Variants in GPM6A observed in about 807,000 individuals in gnomAD.
GPM6A encodes the protein glycoprotein M6A.
In GPM6A, 7 loss-of-function variants were observed where a neutral mutation model predicts 32.1. The observed-to-expected ratio is 0.22, with a 90% CI of 0.12 to 0.41. The LOEUF (loss-of-function observed/expected upper bound fraction) is 0.41. Among genes scored for constraint, GPM6A ranks in the 10% least tolerant of loss-of-function variants. The pLI, the probability that GPM6A is intolerant of heterozygous loss-of-function variation, is 1.00. For missense variants in GPM6A, 235 were observed against 347.2 expected (o/e 0.68, Z 2.57); for synonymous variants, 130 against 123.4 (o/e 1.05, Z -0.35).
intron 1 of GPM6A, among the ~76,000 whole-genome samples, chr4:175,705,549 A>G (rs1343754385): frequency 6.6e-6 from 1 of 152,180 alleles, no homozygotes; most frequent in Non-Finnish European, 1.5e-5. Flanking sequence ...TTATTTCAGT[A>G]TTCTCTCCAG....
chr4:175,998,403 C>T (rs1479572139), intron 1 of GPM6A, among the ~76,000 whole-genome samples: 2 of 152,110 alleles, frequency 1.3e-5, no homozygotes, highest in South Asian at 2.1e-4. Context: ...CCACCCAGCT[C>T]GTCCTGCCTC....
intron 1 of GPM6A, among the ~76,000 whole-genome samples, chr4:175,923,363 C>T (rs910703797): frequency 6.8e-6 from 1 of 147,088 alleles, no homozygotes; most frequent in African/African-American, 2.5e-5. Context: ...ATTTAGAGTT[C>T]AAGTTCTGGC....
chr4:175,732,847 G>A (rs1731492128), intron 1 of GPM6A, among the ~76,000 whole-genome samples: 1 of 152,052 alleles, frequency 6.6e-6, no homozygotes, highest in Admixed American at 6.6e-5. Flanking sequence ...AAATTTTGAG[G>A]AGATTTAACA....
At chr4:175,662,527 G>A (rs1220171776) in intron 3 of GPM6A, among the ~76,000 whole-genome samples, 1 of 152,020 alleles carries the variant, frequency 6.6e-6, no homozygotes, top group African/African-American at 2.4e-5. Flanking sequence ...TTGAACCTGG[G>A]AGGCGGAGAT....
At chr4:175,783,653 C>T (rs572543705) in intron 1 of GPM6A, among the ~76,000 whole-genome samples, 2 of 151,836 alleles carry the variant, frequency 1.3e-5, no homozygotes, top group South Asian at 2.1e-4. Context: ...ATGTTTTATA[C>T]TTTAATTGGG....
At chr4:175,966,279 G>C (rs1411450805) in intron 1 of GPM6A, among the ~76,000 whole-genome samples, 1 of 151,982 alleles carries the variant, frequency 6.6e-6, no homozygotes, top group African/African-American at 2.4e-5. Flanking sequence ...GCATGTGCCT[G>C]TAGTCAGAGC....
intron 1 of GPM6A, among the ~76,000 whole-genome samples, chr4:175,932,517 G>A (rs538102608): frequency 2.0e-5 from 3 of 152,222 alleles, no homozygotes; most frequent in Middle Eastern, 3.4e-3. Context: ...TGCCCAGTTC[G>A]AAATATTCTT....
intron 1 of GPM6A, among the ~76,000 whole-genome samples, chr4:175,745,608 T>C (rs1165870899): frequency 6.6e-6 from 1 of 152,158 alleles, no homozygotes; most frequent in Non-Finnish European, 1.5e-5. Flanking sequence ...CACAAATGTG[T>C]GGTTCACAGA....
chr4:175,711,455 T>TAC (rs1322320563), intron 1 of GPM6A, among the ~76,000 whole-genome samples: 110 of 30,680 alleles, frequency 3.6e-3, no homozygotes, highest in South Asian at 7.3e-3. Flanking sequence ...TATATATATA[T>TAC]ATACACACAC....
At chr4:175,653,953 T>G (rs998566860) in intron 3 of GPM6A, among the ~76,000 whole-genome samples, 1 of 152,082 alleles carries the variant, frequency 6.6e-6, no homozygotes, top group Non-Finnish European at 1.5e-5. Context: ...CACAGAACAG[T>G]GGAGGGGTCA....
At chr4:175,780,204 C>A (rs140466625) in intron 1 of GPM6A, among the ~76,000 whole-genome samples, 2 of 152,012 alleles carry the variant, frequency 1.3e-5, no homozygotes, top group East Asian at 1.9e-4. Flanking sequence ...CCTGCCCCCA[C>A]GCCCAGCTGA....
intron 1 of GPM6A, among the ~76,000 whole-genome samples, chr4:175,890,907 A>G (rs1025091309): frequency 2.0e-5 from 3 of 152,266 alleles, no homozygotes; most frequent in Non-Finnish European, 2.9e-5. Context: ...ATGCAGTATG[A>G]TAACATTTAT....
intron 2 of GPM6A, among the ~76,000 whole-genome samples, chr4:175,694,100 G>A (rs1423392642): frequency 6.6e-6 from 1 of 152,106 alleles, no homozygotes; most frequent in Non-Finnish European, 1.5e-5. Flanking sequence ...CCAGCATCAT[G>A]CTTTATGTAC....
chr4:175,845,803 C>T (rs1736069716), intron 1 of GPM6A, among the ~76,000 whole-genome samples: 1 of 152,054 alleles, frequency 6.6e-6, no homozygotes, highest in South Asian at 2.1e-4. Context: ...AAGACAATCA[C>T]CATAAGCAGG....
intron 1 of GPM6A, among the ~76,000 whole-genome samples, chr4:175,904,937 C>G (rs1257100885): frequency 6.6e-6 from 1 of 152,120 alleles, no homozygotes. Context: ...ATTTTTTCCT[C>G]TACCCTCGTA....
chr4:175,791,300 T>C (rs1024851902), intron 1 of GPM6A, among the ~76,000 whole-genome samples: 2 of 152,222 alleles, frequency 1.3e-5, no homozygotes, highest in Non-Finnish European at 2.9e-5. Context: ...TACATTACTC[T>C]TGAAGATATC....
chr4:175,907,680 C>G (rs1738174513), intron 1 of GPM6A, among the ~76,000 whole-genome samples: 1 of 152,114 alleles, frequency 6.6e-6, no homozygotes, highest in Non-Finnish European at 1.5e-5. Context: ...TCTGAAGGCA[C>G]AGGGGCAAAG....
intron 1 of GPM6A, among the ~76,000 whole-genome samples, chr4:175,882,097 T>G (rs911852947): frequency 2.7e-4 from 41 of 152,088 alleles, no homozygotes; most frequent in African/African-American, 9.9e-4. Flanking sequence ...TGTTTGTCCA[T>G]AGTTTATTAT....
At chr4:175,992,784 A>C (rs1339312502) in intron 1 of GPM6A, among the ~76,000 whole-genome samples, 1 of 152,206 alleles carries the variant, frequency 6.6e-6, no homozygotes, top group Non-Finnish European at 1.5e-5. Flanking sequence ...AACACAATAC[A>C]GTTTTCAGAA....
Sources: allele counts gnomAD v4.1 joint callset (sites outside exome capture counted in the v4.1 genomes callset), GRCh38; gene constraint gnomAD v4.1.1; transcripts MANE v1.5; gene names NCBI Gene and HGNC (gene_info 2026-07-23, HGNC 2026-07-21).